The following PPARGC1B variants were observed in gnomAD, a reference collection of about 807,000 sequenced individuals.
PPARGC1B encodes PPARG coactivator 1 beta.
PPARGC1B carries 34 observed loss-of-function variants against 101.6 expected under a neutral mutation model. That is an observed-to-expected ratio of 0.33 (90% CI 0.25 to 0.45). The LOEUF (loss-of-function observed/expected upper bound fraction) is 0.45, where lower values mean the gene tolerates loss of function less well. Ranked by LOEUF, PPARGC1B falls within the 20% of genes least tolerant of loss-of-function variation. The pLI is 1.00. For synonymous variants in PPARGC1B, 548 were observed against 539.3 expected, an observed-to-expected ratio of 1.02 and a Z score of -0.22; for missense variants, 1,234 against 1,317.6, an observed-to-expected ratio of 0.94 and a Z score of 0.98.
chr5:149,808,104 G>A (rs187529091), intron 1 of PPARGC1B, among the ~76,000 whole-genome samples: 2 of 152,294 alleles, frequency 1.3e-5, no homozygotes, highest in Admixed American at 1.3e-4. Flanking sequence ...TACAGGAACC[G>A]AGGCAAGAGG....
At chr5:149,784,703 GACT>G (rs1455618076) in intron 1 of PPARGC1B, among the ~76,000 whole-genome samples, 1 of 151,798 alleles carries the variant, frequency 6.6e-6, no homozygotes, top group East Asian at 1.9e-4. Context: ...GAGTAGCTGG[GACT>G]ACAGGCGCCC....
At chr5:149,770,988 T>C (rs1173756470) in intron 1 of PPARGC1B, among the ~76,000 whole-genome samples, 2 of 152,102 alleles carry the variant, frequency 1.3e-5, no homozygotes, top group Non-Finnish European at 2.9e-5. Flanking sequence ...TTTATGTGGG[T>C]GGGGCTACTC....
At chr5:149,737,303 G>A (rs1232174121) in intron 1 of PPARGC1B, among the ~76,000 whole-genome samples, 4 of 152,100 alleles carry the variant, frequency 2.6e-5, no homozygotes, top group African/African-American at 9.7e-5. Flanking sequence ...GAAGGCCTTC[G>A]GGTACTTTTA....
rs116458145 is a variant in PPARGC1B at position 149,790,014 on chromosome 5, C to T, written c.79-30419C>T. ...AGTCAAACTGCCTGGGTTTGTTTCC[C>T]GCCTCTACCACTTCTAGCTGGGTGA... On this transcript the variant is annotated intron_variant, in intron 1 of 11. Transcript: ENST00000309241. Among the ~76,000 whole-genome samples, 1,333 of 152,260 alleles carry T rather than the reference C, an allele frequency of 8.8e-3. 9 individuals are homozygous for T. Among genetic ancestry groups the T allele is most frequent in the African/African-American group, 0.014 (588 of 41,544 alleles).
In PPARGC1B at chr5:149,827,797, G is replaced by T. The variant is rs1561598634; in HGVS notation, c.465+912G>T. Among the ~76,000 whole-genome samples the T allele has an allele frequency of 3.9e-5, 6 of 152,318 alleles. No individual in the cohort carries two copies. In the South Asian group the frequency reaches 1.2e-3, roughly 32 times the overall value. On this transcript the variant is annotated intron_variant, in intron 3 of 11. Coordinates refer to ENST00000309241, the MANE Select transcript of PPARGC1B (RefSeq NM_133263.4). The stretch of plus-strand genomic sequence containing the variant: ...CATCAGATTTTATCAGATTTTCAAA[G>T]GAGTCTGGAACTCAGAAGTTACTGG...
At chr5:149,750,107 G>T (rs1261676714) in intron 1 of PPARGC1B, among the ~76,000 whole-genome samples, 2 of 152,108 alleles carry the variant, frequency 1.3e-5, no homozygotes, top group Non-Finnish European at 2.9e-5. Context: ...ACTGTAAGTT[G>T]GAAGAAATTT....
chr5:149,733,431 A>G (rs1262974222), intron 1 of PPARGC1B, among the ~76,000 whole-genome samples: 22 of 152,178 alleles, frequency 1.4e-4, no homozygotes, highest in Non-Finnish European at 8.8e-5. Flanking sequence ...AGGCTCTCCC[A>G]GCCCAGCTTG....
chr5:149,769,321 G>A (rs1320670893), intron 1 of PPARGC1B, among the ~76,000 whole-genome samples: 1 of 152,180 alleles, frequency 6.6e-6, no homozygotes, highest in Non-Finnish European at 1.5e-5. Context: ...AACAGGCCAC[G>A]GACTTGTACC....
intron 1 of PPARGC1B, among the ~76,000 whole-genome samples, chr5:149,759,718 T>A (rs1161316193): frequency 6.6e-6 from 1 of 152,172 alleles, no homozygotes; most frequent in Non-Finnish European, 1.5e-5. Flanking sequence ...ATGACCCACA[T>A]CCTTCACCAG....
At chr5:149,834,389 T>TA (rs1336123658) in intron 5 of PPARGC1B, among the ~76,000 whole-genome samples, 3 of 152,214 alleles carry the variant, frequency 2.0e-5, no homozygotes, top group African/African-American at 4.8e-5. Context: ...CAGTGGGACT[T>TA]AGAGTCAAGT....
At chr5:149,747,783 C>A (rs1755142887) in intron 1 of PPARGC1B, among the ~76,000 whole-genome samples, 1 of 152,218 alleles carries the variant, frequency 6.6e-6, no homozygotes, top group East Asian at 1.9e-4. Flanking sequence ...ACTGTGCCTG[C>A]ATCCACACCT....
rs11371560 is a variant in PPARGC1B at position 149,799,693 on chromosome 5, G to GTTTTTTTTTTTTTTTTTTT, written c.79-20737_79-20719dup. On this transcript the variant is annotated intron_variant, in intron 1 of 11. Transcript: ENST00000309241. ...TTTGTTTGTTTGTTTGCTTGTTGTTGTTTTTTTTTTTTTTTTTTTTTGAGA... is the reference window on the plus strand; with the variant it reads ...TTTGTTTGTTTGTTTGCTTGTTGTTGTTTTTTTTTTTTTTTTTTTTTTTTTTTTTTTTTTTTTTTTGAGA... Among the ~76,000 whole-genome samples, 24 of 76,458 alleles carry GTTTTTTTTTTTTTTTTTTT rather than the reference G, an allele frequency of 3.1e-4. 2 individuals carry two copies. The highest frequency in any genetic ancestry group is 5.7e-4 in the South Asian group (1 of 1,760). 50.2% of individuals were successfully genotyped at this position (76,458 alleles called of 152,430 possible). A position where few individuals can be genotyped will look rare whatever the true frequency, so the allele number is the denominator to read the frequency against.
chr5:149,783,369 T>C (rs1416801863), intron 1 of PPARGC1B, among the ~76,000 whole-genome samples: 1 of 152,226 alleles, frequency 6.6e-6, no homozygotes, highest in East Asian at 1.9e-4. Context: ...AGACAATTTA[T>C]GGACTGAAGT....
In PPARGC1B at chr5:149,834,705, A is replaced by G. The variant is rs777391675; in HGVS notation, c.1737A>G (p.Ser579=). Residue 579 remains serine, a synonymous_variant, in exon 6 of 12, where the codon TCA becomes TCG. Transcript: ENST00000309241. ...DSPRCLMLAL[S]QSDPTFGKKS... ...CCAGGTGCCTCATGCTGGCCTTGTCACAAAGGTAGATTTTTAGAAATTATT... is the reference window on the plus strand; with the variant it reads ...CCAGGTGCCTCATGCTGGCCTTGTCGCAAAGGTAGATTTTTAGAAATTATT... The G allele has an allele frequency of 6.2e-7, 1 of 1,613,062 alleles. No individual in the cohort carries two copies. The highest frequency in any genetic ancestry group is 2.2e-5 in the East Asian group (1 of 44,876).
intron 11 of PPARGC1B, chr5:149,846,266 C>T (rs1044560560): frequency 1.1e-4 from 53 of 471,820 alleles, no homozygotes; most frequent in Non-Finnish European, 1.9e-4. Flanking sequence ...AGGGGCATTC[C>T]GTGGTGACCC....
rs77950425 is a variant in PPARGC1B, at chr5:149,847,704, TAAAAAAA to T, written c.*154_*160del. 6.0e-6 allele frequency: 3 copies of T among 500,724 alleles called. No homozygotes were observed. Among genetic ancestry groups the T allele is most frequent in the Non-Finnish European group, 1.1e-5 (3 of 278,582 alleles). 31.0% of individuals were successfully genotyped at this position (500,724 alleles called of 1,614,324 possible). On this transcript the variant is annotated 3_prime_UTR_variant, in exon 12 of 12. Transcript: ENST00000309241. ...AGAGAGACTTGAAACTGCTGTCCTT[TAAAAAAA>T]AAAAAAATCAATGTTTACATTGAAC...
rs1045447426 is a variant in PPARGC1B, at chr5:149,853,566, A to G, written c.*6008A>G. Reference sequence around the variant, plus strand: ...CGAATTCTGCCCTCAAGGCAAGATAAGAAGTTGGGTGTAAGGATTTTGTGG... The same window carrying G: ...CGAATTCTGCCCTCAAGGCAAGATAGGAAGTTGGGTGTAAGGATTTTGTGG... On this transcript the variant is annotated 3_prime_UTR_variant, in exon 12 of 12. Coordinates refer to ENST00000309241, the MANE Select transcript of PPARGC1B (RefSeq NM_133263.4). This position sits in a 1 kb window ranked among gnomAD's most constrained non-coding sequence, Gnocchi z 4.2. The G allele has an allele frequency of 1.3e-5, 2 of 152,260 alleles. No individual in the cohort carries two copies. The highest frequency in any genetic ancestry group is 4.8e-5 in the African/African-American group (2 of 41,472). 9.4% of individuals were successfully genotyped at this position (152,260 alleles called of 1,614,324 possible). A position where few individuals can be genotyped will look rare whatever the true frequency, so the allele number is the denominator to read the frequency against.
At chr5:149,790,293 G>A (rs1413430445) in intron 1 of PPARGC1B, among the ~76,000 whole-genome samples, 2 of 152,260 alleles carry the variant, frequency 1.3e-5, no homozygotes, top group East Asian at 1.9e-4. Flanking sequence ...CATTTATGAT[G>A]ATGCCCTGGT....
intron 1 of PPARGC1B, among the ~76,000 whole-genome samples, chr5:149,752,456 A>T (rs747802808): frequency 2.0e-5 from 3 of 152,174 alleles, no homozygotes; most frequent in Admixed American, 6.5e-5. Context: ...TTCAGCATAC[A>T]CTGTGGTTCA....
Sources: gnomAD v4.1 joint callset for allele counts (sites outside exome capture counted in the v4.1 genomes callset) on GRCh38, gnomAD v4.1.1 for gene constraint, Gnocchi (gnomAD v3.1) non-coding constraint, MANE v1.5 for transcripts, NCBI Gene and HGNC (gene_info 2026-07-23, HGNC 2026-07-21) for gene names.